Variants in PLXNA2 observed in about 807,000 individuals in gnomAD.
The protein encoded by PLXNA2 is plexin-A2.
PLXNA2 carries 91 observed loss-of-function variants against 193.5 expected under a neutral mutation model. The ratio of observed to expected loss-of-function variants is 0.47; its 90% CI spans 0.40 to 0.56. The LOEUF (loss-of-function observed/expected upper bound fraction) is 0.56, where lower values mean the gene tolerates loss of function less well. Among genes scored for constraint, PLXNA2 ranks in the 20% least tolerant of loss-of-function variants. PLXNA2 has a pLI of 0.00. For missense variants in PLXNA2, 1,995 were observed against 2,503.2 expected, an observed-to-expected ratio of 0.80 and a Z score of 4.33; for synonymous variants, 997 against 1,027.3, an observed-to-expected ratio of 0.97 and a Z score of 0.56.
Position 208,051,003 on chromosome 1 carries a change from A to G in PLXNA2, c.3255+6T>C. 6.2e-7 allele frequency: 1 copy of G among 1,600,856 alleles called. No individual in the cohort carries two copies. Among genetic ancestry groups the G allele is most frequent in the Non-Finnish European group, 8.6e-7 (1 of 1,167,972 alleles). Reference sequence around the variant, plus strand: ...CAAAGGCTGGGGCAGACCAACAGTTACTCACATTGACAGATTCTTTGCCAT... The same window carrying G: ...CAAAGGCTGGGGCAGACCAACAGTTGCTCACATTGACAGATTCTTTGCCAT... On this transcript the variant is annotated splice_donor_region_variant and intron_variant, in intron 17 of 31. Transcript: ENST00000367033.
Position 208,180,859 on chromosome 1 carries a change from G to C in PLXNA2, c.1371+29421C>G, listed in dbSNP as rs543972826. Among the ~76,000 whole-genome samples, 21 of 152,342 alleles carry C rather than the reference G, an allele frequency of 1.4e-4. No individual in the cohort carries two copies. The South Asian group carries it at 4.4e-3, about 32-fold the overall frequency. Reference sequence around the variant, plus strand: ...AGGGGTAAAAAGGACTGTGATGAGGGAAATGGGGGTAGGAGGGAAAGGGAG... The same window carrying C: ...AGGGGTAAAAAGGACTGTGATGAGGCAAATGGGGGTAGGAGGGAAAGGGAG... On this transcript the variant is annotated intron_variant, in intron 3 of 31. Coordinates refer to ENST00000367033, the MANE Select transcript of PLXNA2 (RefSeq NM_025179.4).
At chr1:208,067,470 C>T (rs1414315737) in intron 12 of PLXNA2, among the ~76,000 whole-genome samples, 4 of 152,122 alleles carry the variant, frequency 2.6e-5, no homozygotes, top group Admixed American at 6.5e-5. Context: ...TGTACAGTAA[C>T]GTCCTAGGCC....
chr1:208,124,736 CAACTAAAGAGGGTTGAG>C (rs1044118571), intron 4 of PLXNA2, among the ~76,000 whole-genome samples: 1 of 149,560 alleles, frequency 6.7e-6, no homozygotes, highest in African/African-American at 2.5e-5. Context: ...TAGGCAAGCC[CAACTAAAGAGGGTTGAG>C]AAAATAAATT....
At chr1:208,072,278 T>C (rs112408067) in intron 12 of PLXNA2, among the ~76,000 whole-genome samples, 4 of 152,176 alleles carry the variant, frequency 2.6e-5, no homozygotes, top group Non-Finnish European at 5.9e-5. Context: ...TGGTGGTCAT[T>C]GGAGAAACAG....
At chr1:208,239,730 T>C (rs1475461443) in intron 1 of PLXNA2, among the ~76,000 whole-genome samples, 1 of 152,164 alleles carries the variant, frequency 6.6e-6, no homozygotes, top group Non-Finnish European at 1.5e-5. Context: ...CTCCCTTCAA[T>C]AGATTCTCCC....
chr1:208,096,133 A>G lies in PLXNA2; in HGVS notation c.1886-8T>C, dbSNP rs763464694. ...GCTCCAGCCCAAACCAGTCTGGAAA[A>G]ACAAACAAAAAAGGATGGGGTTGGG... On this transcript the variant is annotated splice_region_variant and splice_polypyrimidine_tract_variant and intron_variant, in intron 7 of 31. Coordinates refer to ENST00000367033, the MANE Select transcript of PLXNA2 (RefSeq NM_025179.4). 2.5e-6 allele frequency: 4 copies of G among 1,610,846 alleles called. No homozygotes were observed. The Admixed American group carries it at 5.0e-5, about 20-fold the overall frequency.
intron 4 of PLXNA2, among the ~76,000 whole-genome samples, chr1:208,113,224 T>G (rs1023828010): frequency 3.3e-5 from 5 of 152,122 alleles, no homozygotes; most frequent in African/African-American, 1.2e-4. Flanking sequence ...CCACATTGAC[T>G]GCCCTACCCC....
At chr1:208,210,010 TGCAGATGTACCTTCTTAAAGTTTTTTC>T in intron 3 of PLXNA2, 2 of 206,818 alleles carry the variant, frequency 9.7e-6, no homozygotes, top group South Asian at 1.1e-4. Flanking sequence ...TTTTTGCTTT[TGCAGATGTACCTTCTTAAAGTTTTTTC>T]TTAAAGTTTG....
rs1316264928 is a variant in PLXNA2, at chr1:208,040,063, G to A, written c.4287-5C>T. 2.5e-6 allele frequency: 4 copies of A among 1,613,596 alleles called. No homozygotes were observed. Among genetic ancestry groups the A allele is most frequent in the Non-Finnish European group, 3.4e-6 (4 of 1,179,580 alleles). On this transcript the variant is annotated splice_region_variant and splice_polypyrimidine_tract_variant and intron_variant, in intron 22 of 31. Coordinates refer to ENST00000367033, the MANE Select transcript of PLXNA2 (RefSeq NM_025179.4). Reference sequence around the variant, plus strand: ...TTTTCAGCCACAGACTCTGTCCTGGGGAAGGGACAAAGGGTAAGGGGCAGT... The same window carrying A: ...TTTTCAGCCACAGACTCTGTCCTGGAGAAGGGACAAAGGGTAAGGGGCAGT...
intron 4 of PLXNA2, among the ~76,000 whole-genome samples, chr1:208,108,432 T>C (rs553174807): frequency 6.6e-6 from 1 of 152,292 alleles, no homozygotes; most frequent in African/African-American, 2.4e-5. Context: ...ACATCACCCT[T>C]TCCACAGAAG....
chr1:208,060,998 T>C (rs1354050959), intron 12 of PLXNA2, among the ~76,000 whole-genome samples, 161 bp from the exon 13 acceptor site: 11 of 152,146 alleles, frequency 7.2e-5, no homozygotes, highest in Admixed American at 6.5e-4. Context: ...CTTTTTAGCT[T>C]ATCTCGGATC....
At chr1:208,043,574 T>G (rs1664952647) in intron 20 of PLXNA2, among the ~76,000 whole-genome samples, 1 of 152,170 alleles carries the variant, frequency 6.6e-6, no homozygotes, top group Admixed American at 6.5e-5. Flanking sequence ...ACAGGCAAAG[T>G]GCTGCCCTTT....
At chr1:208,172,021 T>C (rs900925437) in intron 3 of PLXNA2, among the ~76,000 whole-genome samples, 4 of 37,088 alleles carry the variant, frequency 1.1e-4, no homozygotes, top group African/African-American at 2.6e-4. Context: ...TTGTGGGTTT[T>C]GCCATAAAAA....
chr1:208,123,822 T>C (rs1046960932), intron 4 of PLXNA2, among the ~76,000 whole-genome samples: 18 of 152,310 alleles, frequency 1.2e-4, no homozygotes, highest in African/African-American at 3.8e-4. Flanking sequence ...TAATCTGGAT[T>C]GAAAAGGACG....
At chr1:208,191,244 C>T (rs1183459581) in intron 3 of PLXNA2, among the ~76,000 whole-genome samples, 2 of 152,212 alleles carry the variant, frequency 1.3e-5, no homozygotes, top group Non-Finnish European at 2.9e-5. Flanking sequence ...CATCTGCAAG[C>T]GCCTTTGACT....
At chr1:208,047,311 C>T (rs1665108847) in intron 17 of PLXNA2, among the ~76,000 whole-genome samples, 1 of 152,228 alleles carries the variant, frequency 6.6e-6, no homozygotes, top group Non-Finnish European at 1.5e-5. Flanking sequence ...ACCAAGTGTC[C>T]CCTAACCCTG....
At chr1:208,034,092 C>A (rs936964007) in intron 27 of PLXNA2, among the ~76,000 whole-genome samples, 2 of 152,210 alleles carry the variant, frequency 1.3e-5, no homozygotes, top group Non-Finnish European at 2.9e-5. Flanking sequence ...CCCCAGTACT[C>A]CTCGGACTAA....
chr1:208,162,021 T>C (rs1234491700), intron 3 of PLXNA2, among the ~76,000 whole-genome samples: 1 of 152,158 alleles, frequency 6.6e-6, no homozygotes, highest in Non-Finnish European at 1.5e-5. Context: ...CTCAACTTGA[T>C]CTCTCCCCTT....
intron 3 of PLXNA2, among the ~76,000 whole-genome samples, chr1:208,208,347 G>T (rs974321328): frequency 6.6e-6 from 1 of 152,162 alleles, no homozygotes; most frequent in Admixed American, 6.5e-5. Context: ...TGCCAAATTG[G>T]GTGTCAAGGC....
Sources: gnomAD v4.1 joint callset for allele counts (sites outside exome capture counted in the v4.1 genomes callset) on GRCh38, gnomAD v4.1.1 for gene constraint, MANE v1.5 for transcripts, NCBI Gene and HGNC (gene_info 2026-07-23, HGNC 2026-07-21) for gene names.